Variants in ZNF385B observed in about 807,000 individuals in gnomAD.
ZNF385B encodes the protein zinc finger protein 385B, also known as zinc finger protein 533.
ZNF385B carries 23 observed loss-of-function variants against 39.2 expected under a neutral mutation model. That is an observed-to-expected ratio of 0.59 (90% CI 0.42 to 0.83). The LOEUF (loss-of-function observed/expected upper bound fraction) is 0.83, where lower values mean the gene tolerates loss of function less well. ZNF385B is among the 40% of genes least tolerant of loss of function. ZNF385B has a pLI of 0.00. For synonymous variants in ZNF385B, 205 were observed against 222.6 expected, an observed-to-expected ratio of 0.92 and a Z score of 0.70; for missense variants, 552 against 598.9, an observed-to-expected ratio of 0.92 and a Z score of 0.82.
At position 179,825,265 on chromosome 2, in the gene ZNF385B, TC is replaced by T. The variant is rs530118260; in HGVS notation, c.-155+35835del. On this transcript the variant is annotated intron_variant, in intron 1 of 9. Coordinates refer to ENST00000410066, the MANE Select transcript of ZNF385B (RefSeq NM_152520.6). The stretch of plus-strand genomic sequence containing the variant: ...CCTTTATAGGACAGATGAATCCTAA[TC>T]CCCCATTTACAAAAGCAAAGCCAGT... Among the ~76,000 whole-genome samples the T allele has an allele frequency of 2.8e-3, 428 of 152,212 alleles. 4 individuals are homozygous for T. The highest frequency in any genetic ancestry group is 9.9e-3 in the African/African-American group (411 of 41,536).
chr2:179,745,896 C>T (rs1702354988), intron 3 of ZNF385B: 1 of 1,255,764 alleles, frequency 8.0e-7, no homozygotes, highest in East Asian at 3.1e-5. Context: ...CAAGCCTTCC[C>T]AGTTGCTGGC....
At chr2:179,612,349 G>C (rs1689357628) in intron 3 of ZNF385B, among the ~76,000 whole-genome samples, 1 of 152,156 alleles carries the variant, frequency 6.6e-6, no homozygotes, top group African/African-American at 2.4e-5. Flanking sequence ...GAGTTTGTTT[G>C]TATGCATCCT....
intron 5 of ZNF385B, among the ~76,000 whole-genome samples, chr2:179,511,069 G>A (rs1453300379): frequency 2.6e-5 from 4 of 152,196 alleles, no homozygotes; most frequent in African/African-American, 9.7e-5. Flanking sequence ...TGGGGTTCCT[G>A]TTTCCCAGTT....
intron 3 of ZNF385B, among the ~76,000 whole-genome samples, chr2:179,764,052 G>A (rs1020698746): frequency 2.0e-5 from 3 of 152,134 alleles, no homozygotes; most frequent in East Asian, 1.9e-4. Flanking sequence ...GTTGCTGAGA[G>A]TAGGTCCCCA....
chr2:179,848,096 T>G (rs1393219375), intron 1 of ZNF385B, among the ~76,000 whole-genome samples: 3 of 152,126 alleles, frequency 2.0e-5, no homozygotes, highest in African/African-American at 7.2e-5. Flanking sequence ...GTAGACTGAT[T>G]CGCTGTAAAA....
At chr2:179,620,294 A>G (rs918813868) in intron 3 of ZNF385B, among the ~76,000 whole-genome samples, 5 of 152,146 alleles carry the variant, frequency 3.3e-5, no homozygotes, top group Admixed American at 6.6e-5. Flanking sequence ...CTATCTATAA[A>G]AGTCTAATGC....
chr2:179,779,211 A>C (rs955583277), intron 1 of ZNF385B, among the ~76,000 whole-genome samples: 1 of 152,222 alleles, frequency 6.6e-6, no homozygotes, highest in African/African-American at 2.4e-5. Flanking sequence ...TGTGATGATG[A>C]TGAAACCAAG....
At chr2:179,637,623 C>T (rs1004515641) in intron 3 of ZNF385B, among the ~76,000 whole-genome samples, 2 of 151,800 alleles carry the variant, frequency 1.3e-5, no homozygotes, top group Non-Finnish European at 2.9e-5. Flanking sequence ...CATCAAGCAT[C>T]GCACCGAATG....
intron 1 of ZNF385B, among the ~76,000 whole-genome samples, chr2:179,790,640 G>A (rs1705269329): frequency 6.6e-6 from 1 of 152,148 alleles, no homozygotes; most frequent in Non-Finnish European, 1.5e-5. Context: ...CTAGGAACAG[G>A]AGAACAGTAC....
intron 3 of ZNF385B, among the ~76,000 whole-genome samples, chr2:179,599,170 A>G (rs183953386): frequency 1.3e-5 from 2 of 152,184 alleles, no homozygotes; most frequent in African/African-American, 2.4e-5. Context: ...AGATACACCA[A>G]AGTTTCTGGA....
rs531206893 is a variant in ZNF385B at position 179,443,088 on chromosome 2, A to G, written c.*162T>C. The G allele has an allele frequency of 9.0e-6, 7 of 778,928 alleles. No individual in the cohort carries two copies. The highest frequency in any genetic ancestry group is 8.0e-5 in the East Asian group (3 of 37,636). 48.3% of individuals were successfully genotyped at this position (778,928 alleles called of 1,614,324 possible). On this transcript the variant is annotated 3_prime_UTR_variant, in exon 10 of 10. Transcript: ENST00000410066. Reference sequence around the variant, plus strand: ...GAGCAGTCTCTAAAAGCCCTCGTCAATCTAGTGATGTGTTTCTCTCTGGAA... The same window carrying G: ...GAGCAGTCTCTAAAAGCCCTCGTCAGTCTAGTGATGTGTTTCTCTCTGGAA...
At chr2:179,575,748 G>A (rs146913567) in intron 3 of ZNF385B, among the ~76,000 whole-genome samples, 1 of 152,232 alleles carries the variant, frequency 6.6e-6, no homozygotes, top group African/African-American at 2.4e-5. Context: ...TGAAGAATAA[G>A]TGGTAGTTAT....
At chr2:179,685,755 C>T (rs1029659824) in intron 3 of ZNF385B, among the ~76,000 whole-genome samples, 1 of 152,190 alleles carries the variant, frequency 6.6e-6, no homozygotes, top group Admixed American at 6.5e-5. Flanking sequence ...AGCCTGTGTA[C>T]CTACAACTTA....
chr2:179,626,899 A>G (rs1226027764), intron 3 of ZNF385B, among the ~76,000 whole-genome samples: 4 of 152,204 alleles, frequency 2.6e-5, no homozygotes, highest in Admixed American at 6.5e-5. Context: ...CAATGTTCCA[A>G]TATAACCCTT....
At chr2:179,702,708 G>A (rs1699299656) in intron 3 of ZNF385B, among the ~76,000 whole-genome samples, 1 of 152,188 alleles carries the variant, frequency 6.6e-6, no homozygotes, top group African/African-American at 2.4e-5. Context: ...TTCAAAAACA[G>A]AGTTCTTTAT....
intron 1 of ZNF385B, among the ~76,000 whole-genome samples, chr2:179,791,059 T>G (rs1705295932): frequency 6.6e-6 from 1 of 152,218 alleles, no homozygotes; most frequent in African/African-American, 2.4e-5. Flanking sequence ...TTCCTTCTCA[T>G]CTCACTTGGT....
At chr2:179,685,397 C>G (rs1697844168) in intron 3 of ZNF385B, among the ~76,000 whole-genome samples, 1 of 152,148 alleles carries the variant, frequency 6.6e-6, no homozygotes, top group African/African-American at 2.4e-5. Flanking sequence ...CCACATTTGA[C>G]TGATTCCATA....
At chr2:179,657,246 A>G (rs1693884419) in intron 3 of ZNF385B, among the ~76,000 whole-genome samples, 1 of 152,226 alleles carries the variant, frequency 6.6e-6, no homozygotes, top group African/African-American at 2.4e-5. Context: ...ACTTAGTCAT[A>G]AGCCACCTTA....
intron 3 of ZNF385B, among the ~76,000 whole-genome samples, chr2:179,559,640 G>T (rs969143820): frequency 7.0e-6 from 1 of 143,348 alleles, no homozygotes; most frequent in Non-Finnish European, 1.5e-5. Context: ...CTTGACTGTC[G>T]GGTTTTTTTT....
Sources: gnomAD v4.1 joint callset for allele counts (sites outside exome capture counted in the v4.1 genomes callset) on GRCh38, gnomAD v4.1.1 for gene constraint, MANE v1.5 for transcripts, NCBI Gene and HGNC (gene_info 2026-07-23, HGNC 2026-07-21) for gene names.